Variants in SPATS2 observed in about 807,000 individuals in gnomAD.
SPATS2 encodes spermatogenesis associated serine rich 2.
In SPATS2, 38 loss-of-function variants were observed where a neutral mutation model predicts 63.7. The observed-to-expected ratio is 0.60, with a 90% CI of 0.46 to 0.78. The LOEUF is 0.78. Among genes scored for constraint, SPATS2 ranks in the 30% least tolerant of loss-of-function variants. The pLI is 0.00. For missense variants in SPATS2, 588 were observed against 666.2 expected, an observed-to-expected ratio of 0.88 and a Z score of 1.29; for synonymous variants, 207 against 232.9, an observed-to-expected ratio of 0.89 and a Z score of 1.01.
At chr12:49,518,303 T>C (rs1355148342) in intron 10 of SPATS2, among the ~76,000 whole-genome samples, 1 of 152,204 alleles carries the variant, frequency 6.6e-6, no homozygotes, top group Non-Finnish European at 1.5e-5. Flanking sequence ...TGGTTTTGTT[T>C]CCACTGTAGC....
intron 2 of SPATS2, among the ~76,000 whole-genome samples, chr12:49,392,699 AGT>A (rs1245237265): frequency 6.6e-6 from 1 of 151,718 alleles, no homozygotes; most frequent in Non-Finnish European, 1.5e-5. Flanking sequence ...TAGGCAACAG[AGT>A]GAGACTCCAT....
Position 49,437,072 on chromosome 12 carries a change from C to T in SPATS2, c.-243-23698C>T, listed in dbSNP as rs918395057. 5.0e-4 allele frequency among the ~76,000 whole-genome samples: 75 copies of T among 151,398 alleles called. 1 individual carries two copies. The South Asian group carries it at 0.012, about 24-fold the overall frequency. ...GTGGAGACGCTCCTCACTTCCCAGA[C>T]GGAGTGGCTGCCGGGCGGAGGGGCT... On this transcript the variant is annotated intron_variant, in intron 2 of 13. Transcript: ENST00000552918.
chr12:49,505,008 C>T (rs1946633244), intron 9 of SPATS2, among the ~76,000 whole-genome samples: 1 of 151,944 alleles, frequency 6.6e-6, no homozygotes, highest in Admixed American at 6.6e-5. Context: ...AAGCGGTCCT[C>T]CTGCTTCAGC....
intron 2 of SPATS2, among the ~76,000 whole-genome samples, chr12:49,425,173 A>C (rs1189014651): frequency 6.6e-6 from 1 of 152,088 alleles, no homozygotes; most frequent in African/African-American, 2.4e-5. Context: ...CAATGAGTAC[A>C]AACCCTTTTT....
Position 49,367,576 on chromosome 12 carries a change from G to A in SPATS2, c.-318G>A. ...GCTGGGGCGACGAGGCGATTGCGGG[G>A]GCCTGGGCTAGGTGAGGCTAAGGGT... is the stretch of plus-strand genomic sequence containing the variant. On this transcript the variant is annotated 5_prime_UTR_variant, in exon 1 of 14. Transcript: ENST00000552918. 1 of 398,556 alleles carries A rather than the reference G, an allele frequency of 2.5e-6. No homozygotes were observed. The highest frequency in any genetic ancestry group is 4.4e-6 in the Non-Finnish European group (1 of 226,316). The allele number at this position is 398,556 out of a possible 1,614,324, so 24.7% of individuals were successfully genotyped here.
At chr12:49,485,357 A>G (rs1180228497) in intron 4 of SPATS2, among the ~76,000 whole-genome samples, 2 of 151,232 alleles carry the variant, frequency 1.3e-5, no homozygotes, top group Non-Finnish European at 2.9e-5. Context: ...CCCGGCCGAA[A>G]TAGGTCTTTT....
At chr12:49,503,614 A>C (rs565981801) in intron 9 of SPATS2, among the ~76,000 whole-genome samples, 11 of 151,222 alleles carry the variant, frequency 7.3e-5, no homozygotes, top group African/African-American at 9.8e-5. Context: ...GCGCCACTGC[A>C]CTCCATCCTG....
chr12:49,436,493 C>A (rs1321739331), intron 2 of SPATS2, among the ~76,000 whole-genome samples: 1 of 138,716 alleles, frequency 7.2e-6, no homozygotes, highest in African/African-American at 2.7e-5. Context: ...GCGCCCCTTA[C>A]CTCCCGGACG....
chr12:49,421,073 A>G (rs914832376), intron 2 of SPATS2, among the ~76,000 whole-genome samples: 1 of 152,186 alleles, frequency 6.6e-6, no homozygotes, highest in Non-Finnish European at 1.5e-5. Flanking sequence ...TCCACCAGGA[A>G]AAATTGTTGC....
intron 2 of SPATS2, among the ~76,000 whole-genome samples, chr12:49,376,729 T>C (rs1314821968): frequency 3.0e-4 from 43 of 142,724 alleles, no homozygotes; most frequent in Admixed American, 8.5e-4. Context: ...TTTTTTTTTT[T>C]TTTTTTGAGA....
chr12:49,373,890 G>T (rs1309437489), intron 2 of SPATS2, among the ~76,000 whole-genome samples: 1 of 152,042 alleles, frequency 6.6e-6, no homozygotes, highest in Non-Finnish European at 1.5e-5. Flanking sequence ...CTGCACTCCA[G>T]CCTGGGCGAC....
chr12:49,430,099 G>GTTTT (rs536889902), intron 2 of SPATS2, among the ~76,000 whole-genome samples: 1,166 of 98,392 alleles, frequency 0.012, 66 homozygotes, highest in African/African-American at 0.041. Context: ...CATATTTCTT[G>GTTTT]TTTTTTTTTT....
intron 2 of SPATS2, among the ~76,000 whole-genome samples, chr12:49,382,143 C>T (rs1458715568): frequency 1.3e-5 from 2 of 152,196 alleles, no homozygotes; most frequent in African/African-American, 2.4e-5. Flanking sequence ...CCTGCAATGC[C>T]GTCCAAGTCA....
chr12:49,369,608 A>C (rs1943964424), intron 1 of SPATS2, among the ~76,000 whole-genome samples: 1 of 152,170 alleles, frequency 6.6e-6, no homozygotes, highest in African/African-American at 2.4e-5. Flanking sequence ...TGGGTCTGAT[A>C]ACTGTGATTT....
intron 9 of SPATS2, among the ~76,000 whole-genome samples, chr12:49,510,020 G>A (rs1241218012): frequency 6.6e-6 from 1 of 151,876 alleles, no homozygotes; most frequent in Non-Finnish European, 1.5e-5. Context: ...ACTTTGGGAG[G>A]CCAAGGCGAG....
intron 9 of SPATS2, among the ~76,000 whole-genome samples, chr12:49,508,214 T>TC (rs1397098907): frequency 6.6e-6 from 1 of 152,122 alleles, no homozygotes; most frequent in Non-Finnish European, 1.5e-5. Flanking sequence ...AATTCCAGTT[T>TC]CTTTTTTTTT....
At chr12:49,424,662 T>C (rs919083648) in intron 2 of SPATS2, among the ~76,000 whole-genome samples, 1 of 152,162 alleles carries the variant, frequency 6.6e-6, no homozygotes, top group Non-Finnish European at 1.5e-5. Context: ...GATACATACG[T>C]ACCATAGTAT....
At chr12:49,427,096 G>C (rs1945093835) in intron 2 of SPATS2, among the ~76,000 whole-genome samples, 1 of 152,058 alleles carries the variant, frequency 6.6e-6, no homozygotes, top group African/African-American at 2.4e-5. Flanking sequence ...CTAGCAATAT[G>C]TAAGAATCAG....
intron 3 of SPATS2, among the ~76,000 whole-genome samples, chr12:49,465,491 A>AT (rs886925086): frequency 6.6e-6 from 1 of 151,754 alleles, no homozygotes; most frequent in Middle Eastern, 3.5e-3. Flanking sequence ...AGCCATTTAT[A>AT]TTTTTTTTGG....
Sources: gnomAD v4.1 joint callset for allele counts (sites outside exome capture counted in the v4.1 genomes callset) on GRCh38, gnomAD v4.1.1 for gene constraint, MANE v1.5 for transcripts, NCBI Gene and HGNC (gene_info 2026-07-23, HGNC 2026-07-21) for gene names.